Variants in FKTN observed in about 807,000 individuals in gnomAD.
The protein encoded by FKTN is ribitol-5-phosphate transferase FKTN.
Under a neutral mutation model 58.6 loss-of-function variants are expected in FKTN, and 47 were observed. The ratio of observed to expected loss-of-function variants is 0.80; its 90% CI spans 0.63 to 1.02. FKTN has a LOEUF of 1.02. Ranked by LOEUF, FKTN falls within the 50% of genes least tolerant of loss-of-function variation. The pLI is 0.00. For missense variants in FKTN, 516 were observed against 537.3 expected (o/e 0.96, Z 0.39); for synonymous variants, 178 against 191.9 (o/e 0.93, Z 0.60).
intron 1 of FKTN, among the ~76,000 whole-genome samples, chr9:105,568,648 G>C (rs1840149944): frequency 6.6e-6 from 1 of 152,202 alleles, no homozygotes; most frequent in African/African-American, 2.4e-5. Flanking sequence ...AACAGGTGCT[G>C]GAGAGGATGT....
intron 3 of FKTN, among the ~76,000 whole-genome samples, chr9:105,579,608 G>C (rs1406520375): frequency 6.7e-6 from 1 of 149,298 alleles, no homozygotes; most frequent in African/African-American, 2.5e-5. Flanking sequence ...TTTTGGAATA[G>C]GTGTGGTGTG....
Position 105,618,329 on chromosome 9 carries a change from A to G in FKTN, c.1044+237A>G, listed in dbSNP as rs534768971. ...AAAAGTAATTGTGGTTTTTGCCATT[A>G]CTTTTGCACCAATAATGATAAGAAA... On this transcript the variant is annotated intron_variant, in intron 9 of 10. Coordinates refer to ENST00000357998, the MANE Select transcript of FKTN (RefSeq NM_001079802.2). Among the ~76,000 whole-genome samples, 4 of 152,296 alleles carry G rather than the reference A, an allele frequency of 2.6e-5. No homozygotes were observed. In the South Asian group the frequency reaches 8.3e-4, roughly 32 times the overall value.
chr9:105,581,815 C>T (rs1286042044), intron 3 of FKTN, among the ~76,000 whole-genome samples: 3 of 152,162 alleles, frequency 2.0e-5, no homozygotes, highest in African/African-American at 7.2e-5. Flanking sequence ...TAGCAATCAG[C>T]GAGATTCCGT....
Position 105,636,628 on chromosome 9 carries a change from G to T in FKTN, c.*1364G>T. 1 of 1,214,388 alleles carries T rather than the reference G, an allele frequency of 8.2e-7. No homozygotes were observed. Among genetic ancestry groups the T allele is most frequent in the Non-Finnish European group, 1.1e-6 (1 of 933,618 alleles). The allele number at this position is 1,214,388 out of a possible 1,614,324, so 75.2% of individuals were successfully genotyped here. ...GATATATTGTAAGTGAGAGGTAAAGGAAAATGTAGGCACAATAAGCACTGC... is the reference window on the plus strand; with the variant it reads ...GATATATTGTAAGTGAGAGGTAAAGTAAAATGTAGGCACAATAAGCACTGC... On this transcript the variant is annotated 3_prime_UTR_variant, in exon 11 of 11. Coordinates refer to ENST00000357998, the MANE Select transcript of FKTN (RefSeq NM_001079802.2).
At chr9:105,628,664 A>C (rs1833033236) in intron 10 of FKTN, among the ~76,000 whole-genome samples, 1 of 152,222 alleles carries the variant, frequency 6.6e-6, no homozygotes, top group African/African-American at 2.4e-5. Context: ...GAAGCAACCC[A>C]AATGCCCATC....
In FKTN at chr9:105,636,479, G is replaced by A; in HGVS notation, c.*1215G>A. On this transcript the variant is annotated 3_prime_UTR_variant, in exon 11 of 11. Coordinates refer to ENST00000357998, the MANE Select transcript of FKTN (RefSeq NM_001079802.2). ...AGTCTGTTGAATGTCGATGGGGCAA[G>A]AACTCAGACTTCTACTTTACCAAGT... 6.0e-6 allele frequency: 6 copies of A among 999,000 alleles called. No individual in the cohort carries two copies. The highest frequency in any genetic ancestry group is 7.2e-6 in the Non-Finnish European group (6 of 836,730). 61.9% of individuals were successfully genotyped at this position (999,000 alleles called of 1,614,324 possible). A position where few individuals can be genotyped will look rare whatever the true frequency, so the allele number is the denominator to read the frequency against.
intron 3 of FKTN, among the ~76,000 whole-genome samples, chr9:105,592,222 C>T (rs1289259708): frequency 6.6e-6 from 1 of 152,194 alleles, no homozygotes; most frequent in African/African-American, 2.4e-5. Flanking sequence ...GCAAATTTTC[C>T]AAACATGTAT....
chr9:105,614,663 A>G (rs934078260), intron 7 of FKTN, among the ~76,000 whole-genome samples: 2 of 152,064 alleles, frequency 1.3e-5, no homozygotes, highest in Non-Finnish European at 2.9e-5. Context: ...TTTTATCCTG[A>G]TTGTCCAGCT....
At chr9:105,584,336 T>A (rs999390642) in intron 3 of FKTN, among the ~76,000 whole-genome samples, 1 of 152,166 alleles carries the variant, frequency 6.6e-6, no homozygotes, top group African/African-American at 2.4e-5. Context: ...TAATAATGCC[T>A]TATTCATTAA....
At chr9:105,626,590 A>G (rs1411702072) in intron 10 of FKTN, among the ~76,000 whole-genome samples, 7 of 152,150 alleles carry the variant, frequency 4.6e-5, no homozygotes, top group African/African-American at 2.4e-5. Context: ...ATGTTTTTCT[A>G]TTGGGTTTAC....
rs1364112139 is a variant in FKTN at position 105,639,160 on chromosome 9, T to C, written c.*3896T>C. ...CCACCTTCTAACAGGTAATTATTAG[T>C]TGTAATAGCTTTAATGCATGGAAAA... is the stretch of plus-strand genomic sequence containing the variant. On this transcript the variant is annotated 3_prime_UTR_variant, in exon 11 of 11. Transcript: ENST00000357998. The C allele has an allele frequency of 2.0e-6, 2 of 985,162 alleles. No homozygotes were observed. The highest frequency in any genetic ancestry group is 3.5e-5 in the African/African-American group (2 of 57,196). 61.0% of individuals were successfully genotyped at this position (985,162 alleles called of 1,614,324 possible).
intron 1 of FKTN, among the ~76,000 whole-genome samples, 187 bp from the exon 2 acceptor site, chr9:105,573,468 T>A (rs575173356): frequency 2.6e-5 from 4 of 151,956 alleles, no homozygotes; most frequent in South Asian, 2.1e-4. Flanking sequence ...TACAAATAAA[T>A]TTTTAAAAAA....
At chr9:105,604,789 T>C (rs561161067) in intron 6 of FKTN, among the ~76,000 whole-genome samples, 2 of 151,932 alleles carry the variant, frequency 1.3e-5, no homozygotes, top group Non-Finnish European at 2.9e-5. Flanking sequence ...ACCTCGTCTC[T>C]ACAAAAAAAT....
chr9:105,566,784 A>T (rs1273476043), intron 1 of FKTN, among the ~76,000 whole-genome samples: 3 of 152,252 alleles, frequency 2.0e-5, no homozygotes, highest in African/African-American at 7.2e-5. Context: ...AATCCTCCCT[A>T]ACTCATTTTA....
rs534227017 is a variant in FKTN, at chr9:105,572,709, G to A, written c.-180-946G>A. On this transcript the variant is annotated intron_variant, in intron 1 of 10. Coordinates refer to ENST00000357998, the MANE Select transcript of FKTN (RefSeq NM_001079802.2). ...ACTCTCTTGCTGAGGCAAAGTAGAGGAGAGATAGTGAGTGGCCCTTTGCTG... is the reference window on the plus strand; with the variant it reads ...ACTCTCTTGCTGAGGCAAAGTAGAGAAGAGATAGTGAGTGGCCCTTTGCTG... Among the ~76,000 whole-genome samples the A allele has an allele frequency of 3.9e-5, 6 of 152,330 alleles. No homozygotes were observed. The South Asian group carries it at 1.2e-3, about 32-fold the overall frequency.
chr9:105,605,607 G>C (rs1026459792), intron 6 of FKTN, among the ~76,000 whole-genome samples: 5 of 152,084 alleles, frequency 3.3e-5, no homozygotes, highest in African/African-American at 4.8e-5. Flanking sequence ...TAGAACTGGA[G>C]ATCATTATAT....
At chr9:105,605,843 G>A (rs1226302423) in intron 6 of FKTN, among the ~76,000 whole-genome samples, 5 of 152,092 alleles carry the variant, frequency 3.3e-5, no homozygotes, top group Non-Finnish European at 7.4e-5. Flanking sequence ...GGACAACAAG[G>A]TGACTATAGT....
At chr9:105,596,929 C>T (rs936065788) in intron 4 of FKTN, among the ~76,000 whole-genome samples, 7 of 152,118 alleles carry the variant, frequency 4.6e-5, no homozygotes. Flanking sequence ...TTTGGTAAGA[C>T]CAGATTCTGT....
At chr9:105,582,550 C>G (rs1285724111) in intron 3 of FKTN, among the ~76,000 whole-genome samples, 2 of 152,130 alleles carry the variant, frequency 1.3e-5, no homozygotes, top group Non-Finnish European at 1.5e-5. Context: ...TACAAACCAC[C>G]CAATATCTAA....
Sources: gnomAD v4.1 joint callset for allele counts (sites outside exome capture counted in the v4.1 genomes callset) on GRCh38, gnomAD v4.1.1 for gene constraint, MANE v1.5 for transcripts, NCBI Gene and HGNC (gene_info 2026-07-23, HGNC 2026-07-21) for gene names.